Variants in SYNJ2BP observed in about 807,000 individuals in gnomAD.
SYNJ2BP encodes the protein synaptojanin-2-binding protein.
A neutral mutation model predicts 16.9 loss-of-function variants in SYNJ2BP; 10 were observed. The ratio of observed to expected loss-of-function variants is 0.59; its 90% CI spans 0.36 to 1.00. The LOEUF (loss-of-function observed/expected upper bound fraction) is 1.00. SYNJ2BP is among the 50% of genes least tolerant of loss of function. The pLI is 0.01. For missense variants in SYNJ2BP, 162 were observed against 186.7 expected (o/e 0.87, Z 0.77); for synonymous variants, 54 against 68.4 (o/e 0.79, Z 1.04).
intron 2 of SYNJ2BP, among the ~76,000 whole-genome samples, chr14:70,376,420 T>TA (rs1887631586): frequency 1.3e-5 from 2 of 152,170 alleles, no homozygotes; most frequent in Admixed American, 6.5e-5. Context: ...TCCTACCACT[T>TA]AGAGGTGAGA....
At chr14:70,380,055 A>T (rs781376722) in intron 2 of SYNJ2BP, among the ~76,000 whole-genome samples, 15 of 152,212 alleles carry the variant, frequency 9.9e-5, no homozygotes, top group Non-Finnish European at 1.5e-4. Context: ...TTCATCTTAC[A>T]TGTATTAACT....
chr14:70,412,631 A>ATATATACAGTAT (rs1235982664), intron 1 of SYNJ2BP, among the ~76,000 whole-genome samples: 81 of 149,202 alleles, frequency 5.4e-4, no homozygotes, highest in East Asian at 1.4e-3. Flanking sequence ...TATATATAGT[A>ATATATACAGTAT]ACTAGCACAC....
intron 1 of SYNJ2BP, among the ~76,000 whole-genome samples, chr14:70,416,267 A>G (rs1168440563): frequency 6.6e-6 from 1 of 151,558 alleles, no homozygotes; most frequent in Non-Finnish European, 1.5e-5. Flanking sequence ...ATAAATCTGT[A>G]TTAAATCCAA....
At chr14:70,413,272 G>A (rs972682405) in intron 1 of SYNJ2BP, among the ~76,000 whole-genome samples, 2 of 152,242 alleles carry the variant, frequency 1.3e-5, no homozygotes, top group Non-Finnish European at 2.9e-5. Flanking sequence ...TTACAGTTGA[G>A]AAAGCAGACA....
At chr14:70,391,246 G>T (rs908062127) in intron 1 of SYNJ2BP, among the ~76,000 whole-genome samples, 2 of 152,200 alleles carry the variant, frequency 1.3e-5, no homozygotes, top group African/African-American at 4.8e-5. Context: ...TCTGGAGTTT[G>T]TGACCTGGCT....
At chr14:70,397,618 G>C (rs568902028) in intron 1 of SYNJ2BP, among the ~76,000 whole-genome samples, 1 of 152,186 alleles carries the variant, frequency 6.6e-6, no homozygotes, top group Non-Finnish European at 1.5e-5. Flanking sequence ...TGGGGAACAC[G>C]ATGGCATCTG....
intron 1 of SYNJ2BP, among the ~76,000 whole-genome samples, chr14:70,398,571 C>G (rs1888158247): frequency 6.6e-6 from 1 of 152,176 alleles, no homozygotes; most frequent in South Asian, 2.1e-4. Context: ...TGGCCCAAAC[C>G]CTGCACTGAG....
intron 1 of SYNJ2BP, among the ~76,000 whole-genome samples, chr14:70,410,363 G>A (rs945514953): frequency 1.5e-4 from 23 of 152,228 alleles, no homozygotes; most frequent in Non-Finnish European, 3.2e-4. Context: ...GGTCAAGGCT[G>A]CAGTGAGCCA....
intron 1 of SYNJ2BP, among the ~76,000 whole-genome samples, chr14:70,391,594 A>AAC: frequency 6.6e-6 from 1 of 152,356 alleles, no homozygotes; most frequent in East Asian, 1.9e-4. Context: ...GATGAAATCC[A>AAC]ACACCCTCAT....
chr14:70,399,084 C>T (rs954996727), intron 1 of SYNJ2BP, among the ~76,000 whole-genome samples: 3 of 150,200 alleles, frequency 2.0e-5, no homozygotes, highest in Admixed American at 6.6e-5. Context: ...CTGCAGTGCC[C>T]GTGGTGGGTG....
rs71448320 is a variant in SYNJ2BP, at chr14:70,367,561, CAAAAAAAAAAA to C, written c.*5419_*5429del. On this transcript the variant is annotated 3_prime_UTR_variant, in exon 4 of 4. Coordinates refer to ENST00000256366, the MANE Select transcript of SYNJ2BP (RefSeq NM_018373.3). The stretch of plus-strand genomic sequence containing the variant: ...TAGGCGACAGAGCAAGACTCCGTCT[CAAAAAAAAAAA>C]AAAAAAAAAAAAAAAGAAAAGAAAA... 5.1e-4 allele frequency: 19 copies of C among 36,942 alleles called. No homozygotes were observed. Among genetic ancestry groups the C allele is most frequent in the African/African-American group, 1.1e-3 (11 of 10,338 alleles). 2.3% of individuals were successfully genotyped at this position (36,942 alleles called of 1,614,324 possible).
In SYNJ2BP at chr14:70,369,214, C is replaced by T. The variant is rs906360321; in HGVS notation, c.*3777G>A. The T allele has an allele frequency of 6.6e-6, 1 of 152,182 alleles. No homozygotes were observed. The highest frequency in any genetic ancestry group is 2.4e-5 in the African/African-American group (1 of 41,424). The allele number at this position is 152,182 out of a possible 1,614,324, so 9.4% of individuals were successfully genotyped here. Reference sequence around the variant, plus strand: ...TCACTGCACCTCAGTCTCCTGGGCTCAAGCAATCCTCCCGTGTAGCTGGGC... The same window carrying T: ...TCACTGCACCTCAGTCTCCTGGGCTTAAGCAATCCTCCCGTGTAGCTGGGC... On this transcript the variant is annotated 3_prime_UTR_variant, in exon 4 of 4. Transcript: ENST00000256366.
intron 2 of SYNJ2BP, among the ~76,000 whole-genome samples, chr14:70,376,035 G>A (rs1322430384): frequency 6.6e-6 from 1 of 152,144 alleles, no homozygotes; most frequent in Non-Finnish European, 1.5e-5. Flanking sequence ...TAGCTTCTAT[G>A]CCTGTCTCGT....
rs1411196581 is a variant in SYNJ2BP at position 70,370,014 on chromosome 14, A to G, written c.*2977T>C. 6.6e-6 allele frequency: 1 copy of G among 152,222 alleles called. No homozygotes were observed. Among genetic ancestry groups the G allele is most frequent in the Non-Finnish European group, 1.5e-5 (1 of 68,040 alleles). 9.4% of individuals were successfully genotyped at this position (152,222 alleles called of 1,614,324 possible). On this transcript the variant is annotated 3_prime_UTR_variant, in exon 4 of 4. Transcript: ENST00000256366. ...CATCTATAATTTTAGTTTTCTATAG[A>G]ATCAATAATATAATTAGTGTACCTG...
At chr14:70,411,205 C>T (rs1447717524) in intron 1 of SYNJ2BP, among the ~76,000 whole-genome samples, 1 of 152,150 alleles carries the variant, frequency 6.6e-6, no homozygotes, top group South Asian at 2.1e-4. Flanking sequence ...ATGCAGAAGT[C>T]AAGGTTTCCT....
At chr14:70,408,541 C>CTA (rs1246970773) in intron 1 of SYNJ2BP, among the ~76,000 whole-genome samples, 2 of 151,812 alleles carry the variant, frequency 1.3e-5, no homozygotes, top group Admixed American at 1.3e-4. Flanking sequence ...GGTGTGGTAG[C>CTA]GGGCGCCTGT....
chr14:70,366,942 T>C lies in SYNJ2BP; in HGVS notation c.*6049A>G, dbSNP rs1353165606. 1 of 152,224 alleles carries C rather than the reference T, an allele frequency of 6.6e-6. No individual in the cohort carries two copies. Among genetic ancestry groups the C allele is most frequent in the Non-Finnish European group, 1.5e-5 (1 of 68,054 alleles). 9.4% of individuals were successfully genotyped at this position (152,224 alleles called of 1,614,324 possible). ...ATAGGATTCAATTATTCATCTCCAT[T>C]TGCAAATCTACAAACTAGGAGGAAG... On this transcript the variant is annotated 3_prime_UTR_variant, in exon 4 of 4. Coordinates refer to ENST00000256366, the MANE Select transcript of SYNJ2BP (RefSeq NM_018373.3).
chr14:70,413,833 G>C (rs1272369584), intron 1 of SYNJ2BP, among the ~76,000 whole-genome samples: 1 of 152,088 alleles, frequency 6.6e-6, no homozygotes, highest in Admixed American at 6.5e-5. Flanking sequence ...CACAATTCTT[G>C]TCCCTGACAG....
intron 2 of SYNJ2BP, among the ~76,000 whole-genome samples, chr14:70,383,437 A>G (rs7146493): frequency 0.87 from 132,910 of 152,172 alleles, 58,101 homozygotes; most frequent in East Asian, 0.93. Context: ...TTGATGACTA[A>G]CCAACTCTTT....
Sources: allele counts gnomAD v4.1 joint callset (sites outside exome capture counted in the v4.1 genomes callset), GRCh38; gene constraint gnomAD v4.1.1; transcripts MANE v1.5; gene names NCBI Gene and HGNC (gene_info 2026-07-23, HGNC 2026-07-21).